Variants in CAMKMT observed in about 807,000 individuals in gnomAD.
CAMKMT encodes the protein calmodulin-lysine N-methyltransferase.
In CAMKMT, 53 loss-of-function variants were observed where a neutral mutation model predicts 48.0. The observed-to-expected ratio is 1.10, with a 90% CI of 0.89 to 1.39. The LOEUF (loss-of-function observed/expected upper bound fraction) is 1.39. CAMKMT is among the 40% of genes most tolerant of loss of function. CAMKMT has a pLI of 0.00. For synonymous variants in CAMKMT, 165 were observed against 152.3 expected (o/e 1.08, Z -0.61); for missense variants, 428 against 402.7 (o/e 1.06, Z -0.54).
chr2:44,482,268 C>G (rs1669010891), intron 3 of CAMKMT, among the ~76,000 whole-genome samples: 1 of 152,056 alleles, frequency 6.6e-6, no homozygotes, highest in Non-Finnish European at 1.5e-5. Flanking sequence ...TTCTGTTTAA[C>G]CTAGTGTCCA....
intron 3 of CAMKMT, among the ~76,000 whole-genome samples, chr2:44,583,347 T>A (rs1035542967): frequency 6.6e-6 from 1 of 152,224 alleles, no homozygotes; most frequent in Non-Finnish European, 1.5e-5. Flanking sequence ...ACCAGTTACA[T>A]AATTTTTAAT....
intron 3 of CAMKMT, among the ~76,000 whole-genome samples, chr2:44,472,245 G>T (rs141312574): frequency 7.0e-4 from 106 of 151,972 alleles, no homozygotes; most frequent in Non-Finnish European, 2.2e-4. Context: ...TAATTTTTTT[G>T]TGTGTTTTTA....
At chr2:44,569,961 G>A (rs1668821244) in intron 3 of CAMKMT, among the ~76,000 whole-genome samples, 1 of 151,782 alleles carries the variant, frequency 6.6e-6, no homozygotes, top group Non-Finnish European at 1.5e-5. Flanking sequence ...TTCTTAACTA[G>A]GATTATTCCT....
chr2:44,498,224 G>A (rs961431380), intron 3 of CAMKMT, among the ~76,000 whole-genome samples: 2 of 152,142 alleles, frequency 1.3e-5, no homozygotes, highest in African/African-American at 4.8e-5. Context: ...TTAATACAGT[G>A]ACATGACTTC....
chr2:44,730,108 A>C (rs1679001987), intron 7 of CAMKMT, among the ~76,000 whole-genome samples: 1 of 152,322 alleles, frequency 6.6e-6, no homozygotes, highest in Middle Eastern at 3.4e-3. Flanking sequence ...ATGGTATCAG[A>C]TAGATAGCCT....
intron 2 of CAMKMT, among the ~76,000 whole-genome samples, chr2:44,380,436 C>A (rs1170374187): frequency 2.0e-5 from 3 of 152,024 alleles, no homozygotes; most frequent in Non-Finnish European, 4.4e-5. Flanking sequence ...TGAGCAGTTT[C>A]TTTTGTTATA....
chr2:44,473,136 G>A (rs1471049875), intron 3 of CAMKMT, among the ~76,000 whole-genome samples: 1 of 152,094 alleles, frequency 6.6e-6, no homozygotes, highest in Non-Finnish European at 1.5e-5. Context: ...ACTGCCAAAT[G>A]GTATGACCTG....
intron 3 of CAMKMT, among the ~76,000 whole-genome samples, chr2:44,666,231 T>C (rs924798183): frequency 6.6e-6 from 1 of 152,188 alleles, no homozygotes; most frequent in Non-Finnish European, 1.5e-5. Flanking sequence ...AGATGGAAAG[T>C]AGTGGTTCTG....
intron 3 of CAMKMT, among the ~76,000 whole-genome samples, chr2:44,655,672 A>G (rs2104058560): frequency 6.6e-6 from 1 of 152,332 alleles, no homozygotes; most frequent in Admixed American, 6.5e-5. Context: ...CAAGGAGCAG[A>G]GAGTCTTCTC....
intron 3 of CAMKMT, among the ~76,000 whole-genome samples, chr2:44,590,543 C>T (rs548764702): frequency 4.4e-4 from 67 of 152,280 alleles, no homozygotes; most frequent in African/African-American, 1.6e-3. Flanking sequence ...TTTTTGGCTG[C>T]ATAAATGTCT....
chr2:44,736,135 A>G lies in CAMKMT; in HGVS notation c.624-7487A>G, dbSNP rs538505902. 4.6e-5 allele frequency among the ~76,000 whole-genome samples: 7 copies of G among 152,256 alleles called. No homozygotes were observed. The East Asian group carries it at 7.7e-4, about 17-fold the overall frequency. On this transcript the variant is annotated intron_variant, in intron 7 of 10. Transcript: ENST00000378494. ...TAGTATTTCTGATTCCTTCATGTAC[A>G]TTTCCATCTGATATAATTTTTCTTC... is the stretch of plus-strand genomic sequence containing the variant.
At chr2:44,759,878 C>A (rs1250475123) in intron 9 of CAMKMT, among the ~76,000 whole-genome samples, 1 of 152,238 alleles carries the variant, frequency 6.6e-6, no homozygotes, top group Non-Finnish European at 1.5e-5. Context: ...AACATACACA[C>A]AGGTAGAACT....
At chr2:44,632,311 C>T (rs1672879501) in intron 3 of CAMKMT, among the ~76,000 whole-genome samples, 1 of 152,054 alleles carries the variant, frequency 6.6e-6, no homozygotes, top group South Asian at 2.1e-4. Context: ...ATTGTAGTAA[C>T]TTTTCAATGA....
At position 44,738,694 on chromosome 2, in the gene CAMKMT, G is replaced by C. The variant is rs533408994; in HGVS notation, c.624-4928G>C. On this transcript the variant is annotated intron_variant, in intron 7 of 10. Coordinates refer to ENST00000378494, the MANE Select transcript of CAMKMT (RefSeq NM_024766.5). The stretch of plus-strand genomic sequence containing the variant: ...GTGCTTATATTCTAGTGGGGAAAGA[G>C]AGAAGAAACAAAATCAATAATTTAG... Among the ~76,000 whole-genome samples the C allele has an allele frequency of 2.0e-5, 3 of 152,166 alleles. No individual in the cohort carries two copies. In the South Asian group the frequency reaches 6.2e-4, roughly 32 times the overall value.
At chr2:44,743,877 G>A (rs945549149) in intron 8 of CAMKMT, among the ~76,000 whole-genome samples, 181 bp downstream of exon 8, 3 of 152,194 alleles carry the variant, frequency 2.0e-5, no homozygotes, top group Admixed American at 1.3e-4. Flanking sequence ...CTATCACACA[G>A]TAACTTCTAC....
chr2:44,559,403 C>T (rs1484751074), intron 3 of CAMKMT, among the ~76,000 whole-genome samples: 1 of 152,138 alleles, frequency 6.6e-6, no homozygotes, highest in Non-Finnish European at 1.5e-5. Context: ...CCTATGTGTT[C>T]CTCTCTGTGA....
chr2:44,664,348 C>T (rs72792402), intron 3 of CAMKMT, among the ~76,000 whole-genome samples: 21,213 of 152,100 alleles, frequency 0.14, 1,735 homozygotes, highest in Admixed American at 0.21. Flanking sequence ...TTGGAACAAA[C>T]GTTAGAAATT....
At chr2:44,535,633 A>G (rs1263063227) in intron 3 of CAMKMT, among the ~76,000 whole-genome samples, 2 of 152,246 alleles carry the variant, frequency 1.3e-5, no homozygotes. Context: ...ATGAAGGACA[A>G]AAATCATATG....
intron 3 of CAMKMT, among the ~76,000 whole-genome samples, chr2:44,630,709 A>G (rs1387954499): frequency 6.6e-6 from 1 of 150,996 alleles, no homozygotes; most frequent in Non-Finnish European, 1.5e-5. Flanking sequence ...ATCATCTCAC[A>G]CCAGTTAGAA....
Sources: allele counts gnomAD v4.1 joint callset (sites outside exome capture counted in the v4.1 genomes callset), GRCh38; gene constraint gnomAD v4.1.1; transcripts MANE v1.5; gene names NCBI Gene and HGNC (gene_info 2026-07-23, HGNC 2026-07-21).